The following RIN3 variants were observed in gnomAD, a reference collection of about 807,000 sequenced individuals.
The protein encoded by RIN3 is Ras and Rab interactor 3, also known as RAB5 interacting protein 3.
Under a neutral mutation model 76.3 loss-of-function variants are expected in RIN3, and 54 were observed. The ratio of observed to expected loss-of-function variants is 0.71; its 90% CI spans 0.57 to 0.89. The LOEUF (loss-of-function observed/expected upper bound fraction) is 0.89. Ranked by LOEUF, RIN3 falls within the 40% of genes least tolerant of loss-of-function variation. RIN3 has a pLI of 0.00. For missense variants in RIN3, 1,256 were observed against 1,322.1 expected, an observed-to-expected ratio of 0.95 and a Z score of 0.78; for synonymous variants, 576 against 564.0, an observed-to-expected ratio of 1.02 and a Z score of -0.30.
At chr14:92,638,795 C>T (rs1266736640) in intron 4 of RIN3, among the ~76,000 whole-genome samples, 6 of 152,194 alleles carry the variant, frequency 3.9e-5, no homozygotes, top group South Asian at 2.1e-4. Flanking sequence ...AAGATGCCAA[C>T]GTCAGCTGGC....
chr14:92,554,330 C>A (rs889559162), intron 1 of RIN3, among the ~76,000 whole-genome samples: 1 of 152,134 alleles, frequency 6.6e-6, no homozygotes, highest in Admixed American at 6.5e-5. Context: ...TTAAACCGGA[C>A]AGAACTGTGA....
rs770939179 is a variant in RIN3, at chr14:92,652,442, C to T, written c.1393C>T (p.Arg465Trp). 14 of 1,613,930 alleles carry T rather than the reference C, an allele frequency of 8.7e-6. No homozygotes were observed. Among genetic ancestry groups the T allele is most frequent in the Admixed American group, 3.3e-5 (2 of 60,002 alleles). The change falls in exon 6 of 10, where the codon CGG becomes TGG. Residue 465 changes from arginine to tryptophan, a missense_variant. By Grantham distance (101) the Arg-to-Trp change is moderately radical. Transcript: ENST00000216487. This position sits in a 1 kb window ranked among gnomAD's most constrained non-coding sequence, Gnocchi z 6.4. ...QPPVPPPRKK[R>W]ISRQLASTLP... Reference sequence around the variant, plus strand: ...CCCAGTCCCGCCCCCCAGGAAAAAACGGATCTCTCGACAACTGGCCTCGAC... The same window carrying T: ...CCCAGTCCCGCCCCCCAGGAAAAAATGGATCTCTCGACAACTGGCCTCGAC...
rs1012380348 is a variant in RIN3 at position 92,529,937 on chromosome 14, G to A, written c.44+15961G>A. Among the ~76,000 whole-genome samples, 14 of 152,284 alleles carry A rather than the reference G, an allele frequency of 9.2e-5. No homozygotes were observed. In the East Asian group the frequency reaches 2.7e-3, roughly 29 times the overall value. On this transcript the variant is annotated intron_variant, in intron 1 of 9. Coordinates refer to ENST00000216487, the MANE Select transcript of RIN3 (RefSeq NM_024832.5). The stretch of plus-strand genomic sequence containing the variant: ...ATTTAATTCGGTGCCCTTCAACAGA[G>A]ACACACATAAAACAAGGTTATGTAT...
chr14:92,659,944 A>T (rs182841313), intron 7 of RIN3, among the ~76,000 whole-genome samples: 1 of 152,212 alleles, frequency 6.6e-6, no homozygotes, highest in East Asian at 1.9e-4. Context: ...CAGAACTCTG[A>T]TCTTCACATG....
chr14:92,645,959 AAAAAAAGCTCT>A (rs1887184014), intron 5 of RIN3, among the ~76,000 whole-genome samples: 1 of 150,004 alleles, frequency 6.7e-6, no homozygotes, highest in Non-Finnish European at 1.5e-5. Context: ...CTCAAAAAAA[AAAAAAAGCTCT>A]AAAATTGATT....
chr14:92,657,724 G>C (rs975313653), intron 6 of RIN3, among the ~76,000 whole-genome samples: 1 of 152,228 alleles, frequency 6.6e-6, no homozygotes, highest in Non-Finnish European at 1.5e-5. Flanking sequence ...GTGAGGTCGG[G>C]AGGTGGGCGT....
In RIN3 at chr14:92,685,166, G is replaced by T; in HGVS notation, c.2631+16G>T. 1.3e-6 allele frequency: 2 copies of T among 1,588,102 alleles called. No individual in the cohort carries two copies. The highest frequency in any genetic ancestry group is 1.7e-6 in the Non-Finnish European group (2 of 1,162,988). ...CTCCGTACAGGTGAGGCCTGAGAGC[G>T]GGAGGGGCCCGGTGGGGCCATGTCC... On this transcript the variant is annotated intron_variant, in intron 9 of 9. Transcript: ENST00000216487. This position sits in a 1 kb window ranked among gnomAD's most constrained non-coding sequence, Gnocchi z 4.7.
At position 92,656,085 on chromosome 14, in the gene RIN3, C is replaced by T. The variant is rs779030891; in HGVS notation, c.2026+3010C>T. ...GAGGACACAGAAGGGCATGGGAGGA[C>T]GTGGAAGGACATGGAAAACTCCAAG... On this transcript the variant is annotated intron_variant, in intron 6 of 9. Transcript: ENST00000216487. The surrounding 1 kb of genome is among the most constrained non-coding windows in gnomAD (Gnocchi z 5.2). Among the ~76,000 whole-genome samples, 10 of 152,056 alleles carry T rather than the reference C, an allele frequency of 6.6e-5. No homozygotes were observed. The highest frequency in any genetic ancestry group is 2.2e-4 in the African/African-American group (9 of 41,388).
At position 92,652,263 on chromosome 14, in the gene RIN3, C is replaced by A. The variant is rs147683561; in HGVS notation, c.1214C>A (p.Ala405Glu). ...VSLEDQSPGM[A>E]AEGDQLSLPP... is the part of the protein sequence containing the mutation. ...TTAGAAGACCAAAGTCCGGGGATGG[C>A]GGCAGAGGGGGACCAGCTCAGCCTG... Residue 405 changes from alanine to glutamate, a missense_variant, in exon 6 of 10, where the codon GCG becomes GAG. By Grantham distance (107) the Ala-to-Glu change is moderately radical. Transcript: ENST00000216487. This position sits in a 1 kb window ranked among gnomAD's most constrained non-coding sequence, Gnocchi z 6.4. 2.5e-6 allele frequency: 4 copies of A among 1,610,874 alleles called. No individual in the cohort carries two copies. The Admixed American group carries it at 5.0e-5, about 20-fold the overall frequency.
chr14:92,607,136 A>ACAAT lies in RIN3; in HGVS notation c.368-8268_368-8265dup, dbSNP rs1885555055. Among the ~76,000 whole-genome samples, 3 of 152,276 alleles carry ACAAT rather than the reference A, an allele frequency of 2.0e-5. No individual in the cohort carries two copies. The South Asian group carries it at 6.2e-4, about 32-fold the overall frequency. On this transcript the variant is annotated intron_variant, in intron 3 of 9. Transcript: ENST00000216487. ...ACCAAACAGGATATACAGATGGCAA[A>ACAAT]CAATCACATGAAAGGATGTTCAACA...
intron 7 of RIN3, among the ~76,000 whole-genome samples, chr14:92,673,620 C>T (rs1265060027): frequency 6.6e-6 from 1 of 152,144 alleles, no homozygotes; most frequent in Admixed American, 6.5e-5. Flanking sequence ...ATTCTCGTGC[C>T]TAAGCCTCCC....
rs564161980 is a variant in RIN3, at chr14:92,656,115, C to G, written c.2026+3040C>G. 1.3e-5 allele frequency among the ~76,000 whole-genome samples: 2 copies of G among 152,182 alleles called. No individual in the cohort carries two copies. The highest frequency in any genetic ancestry group is 3.9e-4 in the East Asian group (2 of 5,176). ...AAGGACATGGAAAACTCCAAGTGGC[C>G]CAGAGGAAACTGTGGTCAGCCCTGC... On this transcript the variant is annotated intron_variant, in intron 6 of 9. Coordinates refer to ENST00000216487, the MANE Select transcript of RIN3 (RefSeq NM_024832.5). This position sits in a 1 kb window ranked among gnomAD's most constrained non-coding sequence, Gnocchi z 5.2.
At chr14:92,533,978 A>G (rs56046485) in intron 1 of RIN3, among the ~76,000 whole-genome samples, 19,038 of 152,190 alleles carry the variant, frequency 0.13, 1,461 homozygotes, top group South Asian at 0.17. Context: ...ATTTCCAGCA[A>G]TGACAAAATT....
At chr14:92,628,260 A>G (rs1428435366) in intron 4 of RIN3, among the ~76,000 whole-genome samples, 2 of 152,352 alleles carry the variant, frequency 1.3e-5, no homozygotes, top group Non-Finnish European at 2.9e-5. Flanking sequence ...AGTGGGATCC[A>G]TGCAATGCCA....
chr14:92,527,649 C>T (rs1896776704), intron 1 of RIN3, among the ~76,000 whole-genome samples: 1 of 150,192 alleles, frequency 6.7e-6, no homozygotes, highest in Admixed American at 6.6e-5. Context: ...CCAAAAGCCC[C>T]CTGGGCCCTT....
chr14:92,566,088 A>T (rs928200813), intron 2 of RIN3, among the ~76,000 whole-genome samples: 3 of 152,184 alleles, frequency 2.0e-5, no homozygotes, highest in Admixed American at 1.3e-4. Flanking sequence ...GTTGGTGGTG[A>T]ATGCTTTAAA....
intron 2 of RIN3, among the ~76,000 whole-genome samples, chr14:92,558,914 A>C (rs1477339588): frequency 2.2e-5 from 3 of 138,274 alleles, no homozygotes; most frequent in Non-Finnish European, 1.5e-5. Context: ...GGTGAGACAG[A>C]GTCTTGCAGT....
intron 1 of RIN3, among the ~76,000 whole-genome samples, chr14:92,529,890 T>A (rs1472249426): frequency 6.6e-6 from 1 of 152,202 alleles, no homozygotes; most frequent in Non-Finnish European, 1.5e-5. Flanking sequence ...GTGAGTTCAG[T>A]GTCAATGAAT....
At chr14:92,620,643 A>T (rs1192637446) in intron 4 of RIN3, among the ~76,000 whole-genome samples, 1 of 152,228 alleles carries the variant, frequency 6.6e-6, no homozygotes, top group Non-Finnish European at 1.5e-5. Flanking sequence ...TACACAAGCA[A>T]AGCCAGAGGA....
Sources: gnomAD v4.1 joint callset for allele counts (sites outside exome capture counted in the v4.1 genomes callset) on GRCh38, gnomAD v4.1.1 for gene constraint, Gnocchi (gnomAD v3.1) non-coding constraint, MANE v1.5 for transcripts, NCBI Gene and HGNC (gene_info 2026-07-23, HGNC 2026-07-21) for gene names.